The following EML6 variants were observed in gnomAD, a reference collection of about 807,000 sequenced individuals.
EML6 encodes EMAP like 6.
A neutral mutation model predicts 240.1 loss-of-function variants in EML6; 154 were observed. That is an observed-to-expected ratio of 0.64 (90% confidence interval 0.56 to 0.73). The LOEUF (loss-of-function observed/expected upper bound fraction) is 0.73. EML6 is among the 30% of genes least tolerant of loss of function. The pLI, the probability that EML6 is intolerant of heterozygous loss-of-function variation, is 0.00. For synonymous variants in EML6, 1,148 were observed against 899.0 expected, an observed-to-expected ratio of 1.28 and a Z score of -4.95; for missense variants, 2,964 against 2,474.6, an observed-to-expected ratio of 1.20 and a Z score of -4.20.
intron 2 of EML6, among the ~76,000 whole-genome samples, chr2:54,764,956 G>A (rs1188232355): frequency 6.6e-6 from 1 of 152,122 alleles, no homozygotes; most frequent in Non-Finnish European, 1.5e-5. Flanking sequence ...GTGGGAGATG[G>A]TTAAATCACA....
At chr2:54,943,494 C>T (rs1192071586) in intron 28 of EML6, among the ~76,000 whole-genome samples, 2 of 152,192 alleles carry the variant, frequency 1.3e-5, no homozygotes, top group Non-Finnish European at 2.9e-5. Context: ...CTGCCGTCAC[C>T]TTCCTTCCAA....
intron 2 of EML6, among the ~76,000 whole-genome samples, chr2:54,741,454 G>GCA (rs748756810): frequency 1.9e-4 from 29 of 151,122 alleles, no homozygotes; most frequent in South Asian, 1.5e-3. Context: ...AAGTACACAC[G>GCA]CACACACACA....
At position 54,911,046 on chromosome 2, in the gene EML6, A is replaced by G. The variant is rs1165296805; in HGVS notation, c.3498+4A>G. 2.8e-6 allele frequency: 4 copies of G among 1,423,576 alleles called. No homozygotes were observed. Among genetic ancestry groups the G allele is most frequent in the Non-Finnish European group, 3.8e-6 (4 of 1,041,722 alleles). 88.2% of individuals were successfully genotyped at this position (1,423,576 alleles called of 1,614,324 possible). A position where few individuals can be genotyped will look rare whatever the true frequency, so the allele number is the denominator to read the frequency against. On this transcript the variant is annotated splice_donor_region_variant and intron_variant, in intron 25 of 41. Coordinates refer to ENST00000356458, the MANE Select transcript of EML6 (RefSeq NM_001039753.4). ...GCATATAATAAGACCTTCAGAGGTA[A>G]TAATCATACACAAAGATTTTTAAAG...
intron 28 of EML6, among the ~76,000 whole-genome samples, chr2:54,929,950 C>T (rs1674765331): frequency 6.6e-6 from 1 of 151,888 alleles, no homozygotes; most frequent in Non-Finnish European, 1.5e-5. Context: ...TGGCCACAAA[C>T]AGAAAATAAT....
intron 11 of EML6, among the ~76,000 whole-genome samples, chr2:54,856,409 A>G (rs1338478512): frequency 6.6e-6 from 1 of 152,160 alleles, no homozygotes; most frequent in Non-Finnish European, 1.5e-5. Context: ...CCTCCTTTGC[A>G]TTACACCTCA....
chr2:54,742,258 A>G (rs1047800890), intron 2 of EML6, among the ~76,000 whole-genome samples: 3 of 152,144 alleles, frequency 2.0e-5, no homozygotes, highest in Non-Finnish European at 4.4e-5. Context: ...CTCTTGCCAC[A>G]GCTCTGTTTC....
At position 54,905,321 on chromosome 2, in the gene EML6, GACACACACACACACACACACACACACAC is replaced by G. The variant is rs70944194; in HGVS notation, c.3409+1849_3409+1876del. Among the ~76,000 whole-genome samples the G allele has an allele frequency of 9.1e-4, 111 of 121,652 alleles. 3 individuals carry two copies. The highest frequency in any genetic ancestry group is 8.3e-3 in the Middle Eastern group (2 of 242). 79.8% of individuals were successfully genotyped at this position (121,652 alleles called of 152,430 possible). A position where few individuals can be genotyped will look rare whatever the true frequency, so the allele number is the denominator to read the frequency against. ...GTCTGATTAACTTTATTTAGAATCCGACACACACACACACACACACACACACACACACACACACACACACACACACACA... is the reference window on the plus strand; with the variant it reads ...GTCTGATTAACTTTATTTAGAATCCGACACACACACACACACACACACACA... On this transcript the variant is annotated intron_variant, in intron 24 of 41. Transcript: ENST00000356458.
chr2:54,910,696 C>G (rs1250037658), intron 24 of EML6, among the ~76,000 whole-genome samples: 1 of 152,068 alleles, frequency 6.6e-6, no homozygotes, highest in African/African-American at 2.4e-5. Flanking sequence ...TAAAACATAT[C>G]AAGCTTTATT....
chr2:54,858,207 A>G (rs1670490962), intron 11 of EML6, among the ~76,000 whole-genome samples: 1 of 152,192 alleles, frequency 6.6e-6, no homozygotes, highest in Non-Finnish European at 1.5e-5. Context: ...GCCTCTCCAT[A>G]GATTGCTCCA....
At chr2:54,847,737 T>A in intron 9 of EML6, 114 bp downstream of exon 9, 2 of 1,131,086 alleles carry the variant, frequency 1.8e-6, no homozygotes, top group Non-Finnish European at 2.5e-6. Flanking sequence ...GCCATTCAAA[T>A]AGGAATACTA....
chr2:54,731,908 T>A (rs1683189913), intron 2 of EML6, among the ~76,000 whole-genome samples: 1 of 152,174 alleles, frequency 6.6e-6, no homozygotes, highest in African/African-American at 2.4e-5. Context: ...AGCCACACCA[T>A]TTTAGCATCC....
Position 54,916,821 on chromosome 2 carries a change from GC to G in EML6, c.3563del (p.Pro1188GlnfsTer6). 6.5e-7 allele frequency: 1 copy of G among 1,549,700 alleles called. No individual in the cohort carries two copies. On this transcript the variant is annotated frameshift_variant, in exon 26 of 42. Transcript: ENST00000356458. LOFTEE classifies it high-confidence loss of function. Reference protein sequence around the residue: ...VLGPTCEGIWPAHSDITDVNA... With the variant: ...VLGPTCEGIWXAHSDITDVNA... ...TGGGGCCCACCTGTGAGGGAATCTG[GC>G]CAGCACATAGCGATATAACTGACGT... is the stretch of plus-strand genomic sequence containing the variant.
At chr2:54,927,514 A>G (rs1454345600) in intron 26 of EML6, among the ~76,000 whole-genome samples, 1 of 152,158 alleles carries the variant, frequency 6.6e-6, no homozygotes, top group Non-Finnish European at 1.5e-5. Context: ...CCATGTCTTT[A>G]AATGGCTCCC....
At chr2:54,885,438 ACT>A (rs943440930) in intron 17 of EML6, among the ~76,000 whole-genome samples, 25 of 149,548 alleles carry the variant, frequency 1.7e-4, no homozygotes, top group African/African-American at 6.0e-4. Context: ...CAAGAACGAA[ACT>A]CTGTCTCAAA....
At chr2:54,940,634 A>G (rs1423333775) in intron 28 of EML6, among the ~76,000 whole-genome samples, 1 of 152,222 alleles carries the variant, frequency 6.6e-6, no homozygotes, top group East Asian at 1.9e-4. Context: ...TTCTCTTAAT[A>G]TTTAATCTGT....
chr2:54,858,976 A>G (rs1670533081), intron 11 of EML6, among the ~76,000 whole-genome samples: 1 of 152,304 alleles, frequency 6.6e-6, no homozygotes, highest in East Asian at 1.9e-4. Flanking sequence ...TGTACTGAGC[A>G]TATGCTGATA....
In EML6 at chr2:54,879,597, G is replaced by C. The variant is rs1671711082; in HGVS notation, c.2395G>C (p.Val799Leu). 1.3e-6 allele frequency: 2 copies of C among 1,552,060 alleles called. No homozygotes were observed. Among genetic ancestry groups the C allele is most frequent in the African/African-American group, 2.7e-5 (2 of 73,130 alleles). The stretch of plus-strand genomic sequence containing the variant: ...TGGTTTAGACGATTTTCACAGTATT[G>C]TATTTTGGGACTGGAAAAAGGGAGA... ...SVGLDDFHSI[V>L]FWDWKKGEKI... is the part of the protein sequence containing the mutation. The change falls in exon 17 of 42, where the codon GTA becomes CTA. Residue 799 changes from valine (V) to leucine (L), a missense_variant. Physicochemically the swap from Val to Leu is conservative, Grantham distance 32. Coordinates refer to ENST00000356458, the MANE Select transcript of EML6 (RefSeq NM_001039753.4).
chr2:54,809,753 C>T (rs1308589584), intron 2 of EML6, among the ~76,000 whole-genome samples: 1 of 152,298 alleles, frequency 6.6e-6, no homozygotes, highest in Non-Finnish European at 1.5e-5. Flanking sequence ...CTTCTATTCT[C>T]TTGCAAATCT....
At chr2:54,797,945 T>C (rs945189920) in intron 2 of EML6, among the ~76,000 whole-genome samples, 1 of 152,162 alleles carries the variant, frequency 6.6e-6, no homozygotes, top group African/African-American at 2.4e-5. Flanking sequence ...TTCATTGTTT[T>C]TCAAGGTTTT....
Sources: allele counts gnomAD v4.1 joint callset (sites outside exome capture counted in the v4.1 genomes callset), GRCh38; gene constraint gnomAD v4.1.1; transcripts MANE v1.5; gene names NCBI Gene and HGNC (gene_info 2026-07-23, HGNC 2026-07-21).